The following RIMKLB variants were observed in gnomAD, a reference collection of about 807,000 sequenced individuals.
RIMKLB encodes the protein beta-citrylglutamate synthase B.
RIMKLB carries 7 observed loss-of-function variants against 32.0 expected under a neutral mutation model. The observed-to-expected ratio is 0.22, with a 90% CI of 0.12 to 0.41. The LOEUF (loss-of-function observed/expected upper bound fraction) is 0.41. Ranked by LOEUF, RIMKLB falls within the 10% of genes least tolerant of loss-of-function variation. The pLI is 1.00. For synonymous variants in RIMKLB, 172 were observed against 185.1 expected (o/e 0.93, Z 0.57); for missense variants, 289 against 498.7 (o/e 0.58, Z 4.00).
Position 8,775,571 on chromosome 12 carries a change from C to T in RIMKLB, c.*1787C>T, listed in dbSNP as rs1950680810. ...GACCTTAAACATAATTTCTTGGACACTACTAGAGAGACTTCGAGGCAATAA... is the reference window on the plus strand; with the variant it reads ...GACCTTAAACATAATTTCTTGGACATTACTAGAGAGACTTCGAGGCAATAA... On this transcript the variant is annotated 3_prime_UTR_variant, in exon 6 of 6. Transcript: ENST00000535829. 13 of 985,684 alleles carry T rather than the reference C, an allele frequency of 1.3e-5. No homozygotes were observed. Among genetic ancestry groups the T allele is most frequent in the Non-Finnish European group, 1.4e-5 (12 of 829,840 alleles). The allele number at this position is 985,684 out of a possible 1,614,324, so 61.1% of individuals were successfully genotyped here.
intron 2 of RIMKLB, among the ~76,000 whole-genome samples, chr12:8,715,173 T>C (rs756860400): frequency 6.6e-6 from 1 of 152,062 alleles, no homozygotes; most frequent in Non-Finnish European, 1.5e-5. Flanking sequence ...TGATCAGTTA[T>C]TGTTGCCAGA....
chr12:8,684,205 G>A (rs1349644362), intron 1 of RIMKLB, among the ~76,000 whole-genome samples: 1 of 150,346 alleles, frequency 6.7e-6, no homozygotes, highest in South Asian at 2.1e-4. Flanking sequence ...ATGGAGTCTC[G>A]CTCTGCCACC....
At chr12:8,726,573 C>G (rs1204725388) in intron 2 of RIMKLB, among the ~76,000 whole-genome samples, 2 of 151,814 alleles carry the variant, frequency 1.3e-5, no homozygotes, top group Middle Eastern at 3.4e-3. Context: ...GTATATCTTT[C>G]TCTATCCATT....
chr12:8,782,383 G>C (rs553605463), intron 7 of RIMKLB, among the ~76,000 whole-genome samples: 7 of 151,026 alleles, frequency 4.6e-5, no homozygotes, highest in Non-Finnish European at 8.9e-5. Flanking sequence ...GTAATAGTAC[G>C]GAGACATCTT....
chr12:8,772,350 G>A (rs1407973838), intron 5 of RIMKLB, among the ~76,000 whole-genome samples: 1 of 152,078 alleles, frequency 6.6e-6, no homozygotes, highest in Admixed American at 6.5e-5. Flanking sequence ...AAATCTTTTT[G>A]TGCTGAACTT....
At chr12:8,766,268 A>G (rs1949951266) in intron 5 of RIMKLB, among the ~76,000 whole-genome samples, 1 of 152,168 alleles carries the variant, frequency 6.6e-6, no homozygotes, top group Non-Finnish European at 1.5e-5. Context: ...TCACTGATGT[A>G]GCAGTCCTGC....
rs1163771208 is a variant in RIMKLB, at chr12:8,776,511, ATC to A, written c.*2729_*2730del. 4.1e-6 allele frequency: 3 copies of A among 737,698 alleles called. No individual in the cohort carries two copies. In the African/African-American group the frequency reaches 5.7e-5, roughly 14 times the overall value. The allele number at this position is 737,698 out of a possible 1,614,324, so 45.7% of individuals were successfully genotyped here. A position where few individuals can be genotyped will look rare whatever the true frequency, so the allele number is the denominator to read the frequency against. ...TATATCAAATATGTGTAATGATAAAATCTGAATTGTAAAATTTTTGTATATTG... is the reference window on the plus strand; with the variant it reads ...TATATCAAATATGTGTAATGATAAAATGAATTGTAAAATTTTTGTATATTG... On this transcript the variant is annotated 3_prime_UTR_variant, in exon 6 of 6. Coordinates refer to ENST00000535829, the MANE Select transcript of RIMKLB (RefSeq NM_001297776.2).
At chr12:8,710,741 C>T (rs1176058098) in intron 1 of RIMKLB, among the ~76,000 whole-genome samples, 1 of 152,128 alleles carries the variant, frequency 6.6e-6, no homozygotes, top group East Asian at 1.9e-4. Flanking sequence ...AACATTTCTG[C>T]TTCCCAATTG....
chr12:8,714,117 G>A (rs1944600377), intron 2 of RIMKLB, 76 bp downstream of exon 2: 1 of 1,241,192 alleles, frequency 8.1e-7, no homozygotes, highest in Non-Finnish European at 1.2e-6. Context: ...GGAATAATTA[G>A]GACAGAGGAA....
intron 5 of RIMKLB, 57 bp from the exon 6 acceptor site, chr12:8,773,264 A>T: frequency 7.7e-7 from 1 of 1,298,714 alleles, no homozygotes; most frequent in Non-Finnish European, 1.1e-6. Flanking sequence ...GGCCAACTTT[A>T]ATTTTATTTC....
chr12:8,768,927 T>TA (rs961822593), intron 5 of RIMKLB, among the ~76,000 whole-genome samples: 1 of 152,202 alleles, frequency 6.6e-6, no homozygotes, highest in African/African-American at 2.4e-5. Flanking sequence ...TTTGTATTTT[T>TA]AAAAAATTCT....
chr12:8,689,027 G>T (rs1438708804), intron 1 of RIMKLB, among the ~76,000 whole-genome samples: 1 of 152,102 alleles, frequency 6.6e-6, no homozygotes, highest in African/African-American at 2.4e-5. Context: ...GTAGAGACAG[G>T]GTTTCGCCAT....
chr12:8,777,380 T>A (rs961405306), downstream of RIMKLB: 1 of 984,772 alleles, frequency 1.0e-6, no homozygotes, highest in Non-Finnish European at 1.2e-6. Context: ...GAAATGTTTT[T>A]AGTTTTGTTT....
At chr12:8,684,737 C>G (rs978297077) in intron 1 of RIMKLB, among the ~76,000 whole-genome samples, 1 of 152,154 alleles carries the variant, frequency 6.6e-6, no homozygotes, top group African/African-American at 2.4e-5. Context: ...TCTCTCACCT[C>G]GGTCTCCTAA....
At chr12:8,678,716 T>G (rs1460137245), upstream of RIMKLB, 1 of 152,252 alleles carries the variant, frequency 6.6e-6, no homozygotes, top group Non-Finnish European at 1.5e-5. Context: ...CCCTAACTTC[T>G]GGAATGCGGG....
chr12:8,769,107 C>T (rs901173814), intron 5 of RIMKLB, among the ~76,000 whole-genome samples: 1 of 152,084 alleles, frequency 6.6e-6, no homozygotes, highest in African/African-American at 2.4e-5. Context: ...GCATTTTTCT[C>T]TTTTATTTAC....
chr12:8,696,545 G>A (rs1263380674), upstream of RIMKLB, among the ~76,000 whole-genome samples: 1 of 152,104 alleles, frequency 6.6e-6, no homozygotes, highest in African/African-American at 2.4e-5. Flanking sequence ...TACTCCTTAT[G>A]ACAACTCCAT....
upstream of RIMKLB, chr12:8,697,885 C>T (rs922685059): frequency 2.7e-5 from 4 of 146,372 alleles, no homozygotes; most frequent in Non-Finnish European, 6.1e-5. Flanking sequence ...GGGGCCGGGG[C>T]GCGCGCCGCT....
chr12:8,715,702 C>T (rs1944769973), intron 2 of RIMKLB, among the ~76,000 whole-genome samples: 2 of 152,066 alleles, frequency 1.3e-5, no homozygotes. Flanking sequence ...TGAGCATTTA[C>T]TATGTGCTGG....
Sources: gnomAD v4.1 joint callset for allele counts (sites outside exome capture counted in the v4.1 genomes callset) on GRCh38, gnomAD v4.1.1 for gene constraint, MANE v1.5 for transcripts, NCBI Gene and HGNC (gene_info 2026-07-23, HGNC 2026-07-21) for gene names.